The following CRTC1 variants were observed in gnomAD, a reference collection of about 807,000 sequenced individuals.
The protein encoded by CRTC1 is CREB regulated transcription coactivator 1.
Under a neutral mutation model 66.1 loss-of-function variants are expected in CRTC1, and 18 were observed. That is an observed-to-expected ratio of 0.27 (90% CI 0.19 to 0.40). The LOEUF is 0.40. Ranked by LOEUF, CRTC1 falls within the 10% of genes least tolerant of loss-of-function variation. The pLI is 1.00. For synonymous variants in CRTC1, 416 were observed against 398.8 expected, an observed-to-expected ratio of 1.04 and a Z score of -0.51; for missense variants, 669 against 887.9, an observed-to-expected ratio of 0.75 and a Z score of 3.13.
At chr19:18,752,657 T>C (rs527443661) in intron 5 of CRTC1, among the ~76,000 whole-genome samples, 106 of 151,522 alleles carry the variant, frequency 7.0e-4, no homozygotes, top group African/African-American at 2.5e-3. Context: ...TTTTTTTTTT[T>C]TGAAACAGAG....
intron 1 of CRTC1, among the ~76,000 whole-genome samples, chr19:18,720,525 G>GTTTTTT (rs35827745): frequency 9.5e-6 from 1 of 105,046 alleles, no homozygotes; most frequent in Non-Finnish European, 1.9e-5. Context: ...AATTTTTAGT[G>GTTTTTT]TTTTTTTTTT....
intron 1 of CRTC1, among the ~76,000 whole-genome samples, chr19:18,693,759 C>G (rs980688490): frequency 6.6e-6 from 1 of 151,408 alleles, no homozygotes; most frequent in African/African-American, 2.4e-5. Flanking sequence ...GGATTACAGG[C>G]GTGAGCCACC....
At chr19:18,772,821 C>G (rs772878285) in intron 11 of CRTC1, among the ~76,000 whole-genome samples, 1 of 152,124 alleles carries the variant, frequency 6.6e-6, no homozygotes, top group Non-Finnish European at 1.5e-5. Context: ...TCTGAGCTCT[C>G]GGGCTCTGGC....
At position 18,746,245 on chromosome 19, in the gene CRTC1, C is replaced by T. The variant is rs139815836; in HGVS notation, c.381+285C>T. On this transcript the variant is annotated intron_variant, in intron 3 of 13. Coordinates refer to ENST00000321949, the MANE Select transcript of CRTC1 (RefSeq NM_015321.3). ...GAAGGTTATACCTGACCACAGAGGG[C>T]TTAGACACCTGGCAGGGCAGTGGGG... Among the ~76,000 whole-genome samples, 786 of 152,234 alleles carry T rather than the reference C, an allele frequency of 5.2e-3. 6 individuals carry two copies. The highest frequency in any genetic ancestry group is 0.016 in the African/African-American group (669 of 41,536).
intron 1 of CRTC1, among the ~76,000 whole-genome samples, chr19:18,716,156 A>T (rs1169531293): frequency 6.6e-6 from 1 of 152,002 alleles, no homozygotes; most frequent in Admixed American, 6.6e-5. Flanking sequence ...TGAGTGCAGC[A>T]GCCACAGCCC....
At chr19:18,738,256 G>A (rs1199760888) in intron 1 of CRTC1, among the ~76,000 whole-genome samples, 2 of 152,228 alleles carry the variant, frequency 1.3e-5, no homozygotes, top group African/African-American at 4.8e-5. Context: ...AGCCAAGGCT[G>A]CAGTGAGGTG....
rs1344440906 is a variant in CRTC1, at chr19:18,747,095, G to A, written c.424G>A (p.Ala142Thr). ...PYGTMYLSPP[A>T]DTSWRRTNSD... is the part of the protein sequence containing the mutation. ...TGGCACCATGTACCTCTCACCACCC[G>A]CGGACACCAGCTGGAGAAGGTCAGT... Residue 142 changes from alanine (A) to threonine (T), a missense_variant, in exon 4 of 14, where the codon GCG (alanine) becomes ACG (threonine). By Grantham distance (58) the Ala-to-Thr change is moderately conservative. Transcript: ENST00000321949. 3.1e-6 allele frequency: 5 copies of A among 1,611,320 alleles called. No homozygotes were observed. Among genetic ancestry groups the A allele is most frequent in the African/African-American group, 2.7e-5 (2 of 74,138 alleles).
intron 1 of CRTC1, among the ~76,000 whole-genome samples, chr19:18,739,643 G>A (rs1035798816): frequency 6.6e-6 from 1 of 152,200 alleles, no homozygotes; most frequent in African/African-American, 2.4e-5. Flanking sequence ...ACAGCATGGT[G>A]GGGGGCAGGG....
chr19:18,702,959 T>A (rs2053181365), intron 1 of CRTC1, among the ~76,000 whole-genome samples: 1 of 152,006 alleles, frequency 6.6e-6, no homozygotes. Flanking sequence ...CAGTTCTTTT[T>A]TTTTTGAGAT....
At chr19:18,727,580 C>CAAAAAAAAAA (rs60907638) in intron 1 of CRTC1, among the ~76,000 whole-genome samples, 12,429 of 50,814 alleles carry the variant, frequency 0.24, 2,419 homozygotes, top group East Asian at 0.45. Context: ...GACTCTGTCT[C>CAAAAAAAAAA]AAAAAAAAAA....
chr19:18,742,885 G>A (rs745554513), intron 1 of CRTC1, 25 bp from the exon 2 acceptor site: 50 of 1,575,686 alleles, frequency 3.2e-5, no homozygotes, highest in Admixed American at 5.0e-5. Context: ...GACCCCTCCC[G>A]CAGCTGCTGG....
chr19:18,769,474 C>T (rs987424008), intron 10 of CRTC1, among the ~76,000 whole-genome samples: 3 of 152,252 alleles, frequency 2.0e-5, no homozygotes, highest in African/African-American at 4.8e-5. Context: ...GACTGCCAGC[C>T]CCAGGCTAAA....
intron 2 of CRTC1, among the ~76,000 whole-genome samples, chr19:18,744,669 G>A (rs2145736189): frequency 6.6e-6 from 1 of 152,262 alleles, no homozygotes; most frequent in East Asian, 1.9e-4. Flanking sequence ...GAGATGAATT[G>A]CCCCTACCCT....
At chr19:18,718,480 G>T (rs1487590478) in intron 1 of CRTC1, among the ~76,000 whole-genome samples, 1 of 151,166 alleles carries the variant, frequency 6.6e-6, no homozygotes, top group Non-Finnish European at 1.5e-5. Flanking sequence ...GAAATTATTG[G>T]TGTGCACCAC....
chr19:18,723,364 T>C (rs2053671372), intron 1 of CRTC1, among the ~76,000 whole-genome samples: 1 of 152,194 alleles, frequency 6.6e-6, no homozygotes, highest in Non-Finnish European at 1.5e-5. Context: ...TGACATCTTA[T>C]CTCCAATCTC....
In CRTC1 at chr19:18,780,942, G is replaced by A. The variant is rs888861995; in HGVS notation, c.*3560G>A. On this transcript the variant is annotated 3_prime_UTR_variant, in exon 14 of 14. Coordinates refer to ENST00000321949, the MANE Select transcript of CRTC1 (RefSeq NM_015321.3). ...AAACATCCTTCCAAACTCGGGCTGCGACCTGCTTCCTGAGTTTTCTGTATT... is the reference window on the plus strand; with the variant it reads ...AAACATCCTTCCAAACTCGGGCTGCAACCTGCTTCCTGAGTTTTCTGTATT... The A allele has an allele frequency of 2.2e-5, 5 of 223,012 alleles. No homozygotes were observed. The highest frequency in any genetic ancestry group is 6.5e-5 in the East Asian group (1 of 15,432). 13.8% of individuals were successfully genotyped at this position (223,012 alleles called of 1,614,324 possible). A position where few individuals can be genotyped will look rare whatever the true frequency, so the allele number is the denominator to read the frequency against.
chr19:18,767,822 G>A (rs1375693285), intron 9 of CRTC1, among the ~76,000 whole-genome samples: 2 of 152,202 alleles, frequency 1.3e-5, no homozygotes, highest in South Asian at 2.1e-4. Context: ...CCTGCTAAGT[G>A]GTTTTTGTTC....
intron 6 of CRTC1, among the ~76,000 whole-genome samples, chr19:18,757,533 C>G (rs1404855389): frequency 6.6e-6 from 1 of 152,212 alleles, no homozygotes; most frequent in African/African-American, 2.4e-5. Context: ...AGGTACCCGG[C>G]AGGTCTTTCT....
intron 6 of CRTC1, among the ~76,000 whole-genome samples, chr19:18,754,872 T>A (rs1316206825): frequency 2.0e-5 from 3 of 152,238 alleles, no homozygotes; most frequent in African/African-American, 7.2e-5. Context: ...GGTTGTGCGT[T>A]TTCTGTCGTG....
Sources: gnomAD v4.1 joint callset for allele counts (sites outside exome capture counted in the v4.1 genomes callset) on GRCh38, gnomAD v4.1.1 for gene constraint, MANE v1.5 for transcripts, NCBI Gene and HGNC (gene_info 2026-07-23, HGNC 2026-07-21) for gene names.